Variants in AMACR observed in about 807,000 individuals in gnomAD.
AMACR encodes the protein alpha-methylacyl-CoA racemase.
In AMACR, 18 loss-of-function variants were observed where a neutral mutation model predicts 22.2. That is an observed-to-expected ratio of 0.81 (90% CI 0.56 to 1.20). The LOEUF (loss-of-function observed/expected upper bound fraction) is 1.20, where lower values mean the gene tolerates loss of function less well. AMACR is among the 50% of genes most tolerant of loss of function. The probability of loss-of-function intolerance (pLI) is 0.00; values close to 1 mark genes in which losing one functional copy is unlikely to be tolerated. For synonymous variants in AMACR, 213 were observed against 191.3 expected (o/e 1.11, Z -0.94); for missense variants, 499 against 490.6 (o/e 1.02, Z -0.16).
chr5:33,996,445 G>GT (rs1753638178), intron 4 of AMACR, among the ~76,000 whole-genome samples: 1 of 152,170 alleles, frequency 6.6e-6, no homozygotes, highest in Non-Finnish European at 1.5e-5. Flanking sequence ...CAAGCAAGAA[G>GT]TTAAGGCATA....
intron 1 of AMACR, 65 bp downstream of exon 1, chr5:34,007,708 C>G: frequency 6.8e-7 from 1 of 1,468,544 alleles, no homozygotes; most frequent in Non-Finnish European, 9.0e-7. Flanking sequence ...CAGCCTCGAT[C>G]GAACGGCCAG....
At chr5:33,997,094 C>A in intron 4 of AMACR, 1 of 759,626 alleles carries the variant, frequency 1.3e-6, no homozygotes, top group South Asian at 1.4e-5. Flanking sequence ...TCAAACTGCT[C>A]TGCTGTGAGA....
At chr5:33,996,372 A>G (rs1010911521) in intron 4 of AMACR, among the ~76,000 whole-genome samples, 2 of 152,166 alleles carry the variant, frequency 1.3e-5, no homozygotes, top group Non-Finnish European at 2.9e-5. Flanking sequence ...GGCAGTATGA[A>G]TGCCTGGGAG....
rs772158340 is a variant in AMACR, at chr5:33,998,828, C to T, written c.553-1G>A. On this transcript the variant is annotated splice_acceptor_variant, in intron 3 of 4. Transcript: ENST00000335606. LOFTEE classifies it high-confidence loss of function. ...AACTTAAATATGCTGTTCCTTCCAC[C>T]TTTGAGAAAACAGAATACAAGACAA... 1 of 1,613,856 alleles carries T rather than the reference C, an allele frequency of 6.2e-7. No homozygotes were observed. The highest frequency in any genetic ancestry group is 1.3e-5 in the African/African-American group (1 of 75,016).
rs1168250880 is a variant in AMACR, at chr5:33,988,219, T to G, written c.*874A>C. The G allele has an allele frequency of 8.2e-7, 1 of 1,213,546 alleles. No individual in the cohort carries two copies. The highest frequency in any genetic ancestry group is 1.1e-6 in the Non-Finnish European group (1 of 870,770). The allele number at this position is 1,213,546 out of a possible 1,614,324, so 75.2% of individuals were successfully genotyped here. A position where few individuals can be genotyped will look rare whatever the true frequency, so the allele number is the denominator to read the frequency against. On this transcript the variant is annotated 3_prime_UTR_variant, in exon 5 of 5. Transcript: ENST00000335606. ...GGTTTTATGTAAAGACAATCCCGTC[T>G]TCTTTGTCAAAGACAGGTATAAGAA...
At chr5:34,005,942 AGGAT>A (rs746902517) in intron 1 of AMACR, 43 bp from the exon 2 acceptor site, 20 of 1,608,400 alleles carry the variant, frequency 1.2e-5, no homozygotes, top group South Asian at 1.1e-4. Flanking sequence ...GTATGAATTG[AGGAT>A]GGAGATAATC....
Position 33,988,838 on chromosome 5 carries a change from A to G in AMACR, c.*255T>C. On this transcript the variant is annotated 3_prime_UTR_variant, in exon 5 of 5. Coordinates refer to ENST00000335606, the MANE Select transcript of AMACR (RefSeq NM_014324.6). ...CAAGAATCTTAATATCAACAAATAT[A>G]TCAAGCAAACTGGAAGGCAGAATAA... 7.5e-7 allele frequency: 1 copy of G among 1,333,674 alleles called. No homozygotes were observed. The highest frequency in any genetic ancestry group is 3.1e-5 in the East Asian group (1 of 32,364). 82.6% of individuals were successfully genotyped at this position (1,333,674 alleles called of 1,614,324 possible).
intron 1 of AMACR, among the ~76,000 whole-genome samples, chr5:34,006,598 C>G (rs1315277956): frequency 5.9e-5 from 9 of 152,232 alleles, no homozygotes; most frequent in Admixed American, 5.9e-4. Flanking sequence ...CAACTCCTCA[C>G]CCGGAGGCTA....
rs750799478 is a variant in AMACR, at chr5:33,989,399, T to G, written c.843A>C (p.Ala281=). 1 of 1,614,222 alleles carries G rather than the reference T, an allele frequency of 6.2e-7. No individual in the cohort carries two copies. The highest frequency in any genetic ancestry group is 1.7e-5 in the Admixed American group (1 of 60,026). Reference sequence around the variant, plus strand: ...TGCCGTCAAAGATTTGACACCACTCTGCCTTCGTCTTCTCTGCAAATACAT... The same window carrying G: ...TGCCGTCAAAGATTTGACACCACTCGGCCTTCGTCTTCTCTGCAAATACAT... ...FADVFAEKTK[A]EWCQIFDGTD... Residue 281 remains alanine, a synonymous_variant, in exon 5 of 5, where the codon GCA becomes GCC. Transcript: ENST00000335606.
Position 33,986,516 on chromosome 5 carries a change from T to G in AMACR, c.*2577A>C, listed in dbSNP as rs1188787611. On this transcript the variant is annotated 3_prime_UTR_variant, in exon 5 of 5. Transcript: ENST00000335606. Reference sequence around the variant, plus strand: ...AAGGAATTACTGAGTGAATAAACCATACACACTGCATTTTGTGCTGCCTGT... The same window carrying G: ...AAGGAATTACTGAGTGAATAAACCAGACACACTGCATTTTGTGCTGCCTGT... The G allele has an allele frequency of 6.6e-6, 1 of 152,264 alleles. No individual in the cohort carries two copies. The highest frequency in any genetic ancestry group is 1.5e-5 in the Non-Finnish European group (1 of 68,050). The allele number at this position is 152,264 out of a possible 1,614,324, so 9.4% of individuals were successfully genotyped here. A position where few individuals can be genotyped will look rare whatever the true frequency, so the allele number is the denominator to read the frequency against.
chr5:34,004,633 T>G lies in AMACR; in HGVS notation c.493A>C (p.Ile165Leu). The change falls in exon 3 of 5, where the codon ATA (isoleucine) becomes CTA (leucine). Residue 165 changes from isoleucine (I) to leucine (L), a missense_variant. Coordinates refer to ENST00000335606, the MANE Select transcript of AMACR (RefSeq NM_014324.6). ...CGTGTGCGGTCAAAAAGAGCCATTA[T>G]AATGCCCAGTGCACACATAAGGCCA... Reference protein sequence around the residue: ...GGGLMCALGIIMALFDRTRTG... With the variant: ...GGGLMCALGILMALFDRTRTG... 2 of 1,614,224 alleles carry G rather than the reference T, an allele frequency of 1.2e-6. No individual in the cohort carries two copies. The highest frequency in any genetic ancestry group is 1.7e-6 in the Non-Finnish European group (2 of 1,180,042).
intron 3 of AMACR, among the ~76,000 whole-genome samples, chr5:34,002,281 G>A (rs922121889): frequency 3.3e-5 from 5 of 152,224 alleles, no homozygotes; most frequent in Non-Finnish European, 1.5e-5. Context: ...ACAGGCGTGA[G>A]CCACCATGCC....
At chr5:33,991,091 A>G (rs1298678497) in intron 4 of AMACR, among the ~76,000 whole-genome samples, 1 of 152,246 alleles carries the variant, frequency 6.6e-6, no homozygotes, top group Non-Finnish European at 1.5e-5. Context: ...TTTTTATCAG[A>G]ATGTGATCAG....
At chr5:34,000,029 C>T (rs1459805685) in intron 3 of AMACR, among the ~76,000 whole-genome samples, 1 of 152,206 alleles carries the variant, frequency 6.6e-6, no homozygotes, top group Non-Finnish European at 1.5e-5. Flanking sequence ...ATACCAAATT[C>T]TGACTCATCA....
chr5:33,997,821 T>C lies in AMACR; in HGVS notation c.739+820A>G, dbSNP rs184525078. The stretch of plus-strand genomic sequence containing the variant: ...TTGCAAAAACAATTACTCCATCAGA[T>C]AAGAACACATCAAAAATTTGGAAAA... On this transcript the variant is annotated intron_variant, in intron 4 of 4. Transcript: ENST00000335606. 72 of 381,012 alleles carry C rather than the reference T, an allele frequency of 1.9e-4. No homozygotes were observed. In the Admixed American group the frequency reaches 2.7e-3, roughly 15 times the overall value. 23.6% of individuals were successfully genotyped at this position (381,012 alleles called of 1,614,324 possible). A position where few individuals can be genotyped will look rare whatever the true frequency, so the allele number is the denominator to read the frequency against.
At chr5:33,999,970 A>C (rs1242696004) in intron 3 of AMACR, among the ~76,000 whole-genome samples, 1 of 152,202 alleles carries the variant, frequency 6.6e-6, no homozygotes, top group East Asian at 1.9e-4. Context: ...GCACTATTTT[A>C]AATATATTTT....
rs1199791416 is a variant in AMACR at position 33,988,238 on chromosome 5, A to G, written c.*855T>C. Reference sequence around the variant, plus strand: ...CCCGTCTTCTTTGTCAAAGACAGGTATAAGAAAGGCTTGTAACTTAACTCA... The same window carrying G: ...CCCGTCTTCTTTGTCAAAGACAGGTGTAAGAAAGGCTTGTAACTTAACTCA... On this transcript the variant is annotated 3_prime_UTR_variant, in exon 5 of 5. Coordinates refer to ENST00000335606, the MANE Select transcript of AMACR (RefSeq NM_014324.6). The G allele has an allele frequency of 1.5e-6, 2 of 1,342,454 alleles. No homozygotes were observed. Among genetic ancestry groups the G allele is most frequent in the Non-Finnish European group, 2.0e-6 (2 of 977,082 alleles). 83.2% of individuals were successfully genotyped at this position (1,342,454 alleles called of 1,614,324 possible).
Position 33,987,685 on chromosome 5 carries a change from G to C in AMACR, c.*1408C>G, listed in dbSNP as rs1468765457. On this transcript the variant is annotated 3_prime_UTR_variant, in exon 5 of 5. Transcript: ENST00000335606. ...CATGGAGCAGAAAATGAGGGCAGCA[G>C]TGTCCAATCTCATTCCAGGTGAGAA... 1 of 152,234 alleles carries C rather than the reference G, an allele frequency of 6.6e-6. No homozygotes were observed. Among genetic ancestry groups the C allele is most frequent in the African/African-American group, 2.4e-5 (1 of 41,466 alleles). The allele number at this position is 152,234 out of a possible 1,614,324, so 9.4% of individuals were successfully genotyped here.
At chr5:34,003,652 G>A (rs1212230286) in intron 3 of AMACR, among the ~76,000 whole-genome samples, 2 of 152,132 alleles carry the variant, frequency 1.3e-5, no homozygotes, top group African/African-American at 4.8e-5. Context: ...AGAAACCTGG[G>A]AGCCAGCCTC....
Sources: gnomAD v4.1 joint callset for allele counts (sites outside exome capture counted in the v4.1 genomes callset) on GRCh38, gnomAD v4.1.1 for gene constraint, MANE v1.5 for transcripts, NCBI Gene and HGNC (gene_info 2026-07-23, HGNC 2026-07-21) for gene names.